NLGN4X: variants seen among roughly 807,000 people sequenced by gnomAD.
The protein encoded by NLGN4X is neuroligin 4 X-linked.
In NLGN4X, 3 loss-of-function variants were observed where a neutral mutation model predicts 40.3. The ratio of observed to expected loss-of-function variants is 0.07; its 90% CI spans 0.03 to 0.19. NLGN4X has a LOEUF of 0.19. NLGN4X is among the 10% of genes least tolerant of loss of function. The pLI is 1.00. For missense variants in NLGN4X, 382 were observed against 708.3 expected (o/e 0.54, Z 5.23); for synonymous variants, 270 against 306.8 (o/e 0.88, Z 1.25).
chrX:6,063,931 T>C lies in NLGN4X; in HGVS notation c.473-34499A>G, dbSNP rs147480456. 4.7e-3 allele frequency among the ~76,000 whole-genome samples: 525 copies of C among 112,076 alleles called. 1 individual carries two copies. Among genetic ancestry groups the C allele is most frequent in the African/African-American group, 0.016 (497 of 30,875 alleles). On this transcript the variant is annotated intron_variant, in intron 2 of 5. Coordinates refer to ENST00000381095, the MANE Select transcript of NLGN4X (RefSeq NM_181332.3). ...ACATGGTTTCTTCCAGTCCTACAGG[T>C]GGCTTTGTCTAGTTTTTCTGATTGG...
At chrX:6,217,516 G>A (rs1405424818) in intron 1 of NLGN4X, among the ~76,000 whole-genome samples, 1 of 111,918 alleles carries the variant, frequency 8.9e-6, no homozygotes, top group Non-Finnish European at 1.9e-5. Context: ...CACAACCACT[G>A]TCACACAAAT....
chrX:5,929,496 C>G (rs994601326), intron 3 of NLGN4X, among the ~76,000 whole-genome samples: 3 of 110,908 alleles, frequency 2.7e-5, no homozygotes, highest in Admixed American at 1.9e-4. Flanking sequence ...GTATACGCAT[C>G]TTATAAAATA....
At chrX:5,979,081 T>G (rs2035296744) in intron 3 of NLGN4X, among the ~76,000 whole-genome samples, 1 of 111,658 alleles carries the variant, frequency 9.0e-6, no homozygotes, top group African/African-American at 3.3e-5. Context: ...ATAATCTATA[T>G]CTCTTGCTCC....
At chrX:6,105,431 CA>C (rs145314600) in intron 2 of NLGN4X, among the ~76,000 whole-genome samples, 22,509 of 79,319 alleles carry the variant, frequency 0.28, 1,777 homozygotes, top group Admixed American at 0.36. Flanking sequence ...AAAGCACAAG[CA>C]AAAAAAAAAG....
chrX:6,151,545 G>A lies in NLGN4X; in HGVS notation c.-79C>T. On this transcript the variant is annotated 5_prime_UTR_variant, in exon 2 of 6. Transcript: ENST00000381095. ...GACAAAGCCCAGAGGCGAGCCTGCA[G>A]AGAGATAGGGCTTTCCAGGGAGCAG... The A allele has an allele frequency of 2.4e-6, 2 of 840,594 alleles. No individual in the cohort carries two copies. Among genetic ancestry groups the A allele is most frequent in the Non-Finnish European group, 1.8e-6 (1 of 566,975 alleles). The allele number at this position is 840,594 out of a possible 1,213,427, so 69.3% of individuals were successfully genotyped here.
At chrX:6,017,140 T>C (rs1463875201) in intron 3 of NLGN4X, among the ~76,000 whole-genome samples, 3 of 111,121 alleles carry the variant, frequency 2.7e-5, no homozygotes. Context: ...CAATGAAAAA[T>C]AGGAGTTGGA....
At chrX:6,186,747 G>C (rs1317342834) in intron 1 of NLGN4X, 1 of 111,762 alleles carries the variant, frequency 8.9e-6, no homozygotes, top group Non-Finnish European at 1.9e-5. Flanking sequence ...AAAGAACACA[G>C]ATACAAGACA....
At chrX:5,980,157 G>A (rs1347165261) in intron 3 of NLGN4X, among the ~76,000 whole-genome samples, 3 of 105,076 alleles carry the variant, frequency 2.9e-5, no homozygotes, top group Non-Finnish European at 5.8e-5. Context: ...TGTATATATA[G>A]TATATAATTG....
At chrX:5,917,337 G>A (rs900921594) in intron 3 of NLGN4X, among the ~76,000 whole-genome samples, 1 of 112,430 alleles carries the variant, frequency 8.9e-6, no homozygotes, top group Non-Finnish European at 1.9e-5. Flanking sequence ...ACCAATGTGG[G>A]CCCCTTTCCA....
intron 1 of NLGN4X, among the ~76,000 whole-genome samples, chrX:6,215,058 T>C (rs901447266): frequency 1.3e-4 from 15 of 112,201 alleles, no homozygotes; most frequent in Non-Finnish European, 2.1e-4. Flanking sequence ...GTCCCTTTCA[T>C]AGAAATGATT....
intron 3 of NLGN4X, among the ~76,000 whole-genome samples, chrX:6,014,139 G>A (rs1442654462): frequency 9.3e-6 from 1 of 107,716 alleles, no homozygotes; most frequent in Non-Finnish European, 1.9e-5. Flanking sequence ...CTGAGATCGC[G>A]CCATTGCACT....
At chrX:6,028,492 C>G (rs2036767439) in intron 3 of NLGN4X, among the ~76,000 whole-genome samples, 1 of 109,741 alleles carries the variant, frequency 9.1e-6, no homozygotes. Flanking sequence ...AACCCTGTCT[C>G]TATTAAAAAC....
At chrX:6,047,576 T>C (rs953240022) in intron 2 of NLGN4X, among the ~76,000 whole-genome samples, 2 of 112,298 alleles carry the variant, frequency 1.8e-5, no homozygotes, top group East Asian at 2.8e-4. Flanking sequence ...TTTGTCACTT[T>C]AGCAGCCTTG....
In NLGN4X at chrX:6,200,856, T is replaced by TTTA. The variant is rs796646161; in HGVS notation, c.-306+27682_-306+27684dup. 2.1e-4 allele frequency among the ~76,000 whole-genome samples: 23 copies of TTTA among 107,778 alleles called. No individual in the cohort carries two copies. The East Asian group carries it at 3.8e-3, about 18-fold the overall frequency. 93.6% of individuals were successfully genotyped at this position (107,778 alleles called of 115,157 possible). ...CATGTGCCATCATACCTGCCTAATT[T>TTTA]TTATTATTATTATTATTATTCTTTG... is the stretch of plus-strand genomic sequence containing the variant. On this transcript the variant is annotated intron_variant, in intron 1 of 5. Coordinates refer to ENST00000381095, the MANE Select transcript of NLGN4X (RefSeq NM_181332.3).
intron 1 of NLGN4X, among the ~76,000 whole-genome samples, chrX:6,160,493 G>A (rs1249741216): frequency 3.7e-5 from 4 of 109,077 alleles, no homozygotes; most frequent in Admixed American, 2.0e-4. Flanking sequence ...TCAAGAGTTT[G>A]TACTTTAACT....
At chrX:6,039,099 G>C (rs909648720) in intron 2 of NLGN4X, among the ~76,000 whole-genome samples, 1 of 110,923 alleles carries the variant, frequency 9.0e-6, no homozygotes, top group Non-Finnish European at 1.9e-5. Flanking sequence ...CTCATACATA[G>C]AGAGTCTGTA....
intron 2 of NLGN4X, among the ~76,000 whole-genome samples, chrX:6,073,791 G>A (rs1471148874): frequency 9.0e-6 from 1 of 111,059 alleles, no homozygotes; most frequent in Non-Finnish European, 1.9e-5. Flanking sequence ...CTGCACATGT[G>A]AAAATGGTAC....
intron 3 of NLGN4X, among the ~76,000 whole-genome samples, chrX:5,950,762 T>A (rs182035469): frequency 1.8e-5 from 2 of 112,107 alleles, no homozygotes; most frequent in African/African-American, 6.5e-5. Context: ...TCAATCACTG[T>A]GACCTTGAAA....
At chrX:5,942,180 T>A (rs749015512) in intron 3 of NLGN4X, among the ~76,000 whole-genome samples, 1 of 110,009 alleles carries the variant, frequency 9.1e-6, no homozygotes, top group Non-Finnish European at 1.9e-5. Flanking sequence ...CACGTGAGCC[T>A]GGGAGGTAGA....
Sources: gnomAD v4.1 joint callset for allele counts (sites outside exome capture counted in the v4.1 genomes callset) on GRCh38, gnomAD v4.1.1 for gene constraint, MANE v1.5 for transcripts, NCBI Gene and HGNC (gene_info 2026-07-23, HGNC 2026-07-21) for gene names.